The following KIAA1328 variants were observed in gnomAD, a reference collection of about 807,000 sequenced individuals.
The protein encoded by KIAA1328 is KIAA1328.
A neutral mutation model predicts 68.1 loss-of-function variants in KIAA1328; 52 were observed. That is an observed-to-expected ratio of 0.76 (90% confidence interval 0.61 to 0.96). The LOEUF (loss-of-function observed/expected upper bound fraction) is 0.96, where lower values mean the gene tolerates loss of function less well. Ranked by LOEUF, KIAA1328 falls within the 40% of genes least tolerant of loss-of-function variation. The pLI is 0.00. For synonymous variants in KIAA1328, 232 were observed against 239.4 expected (o/e 0.97, Z 0.28); for missense variants, 641 against 677.6 (o/e 0.95, Z 0.60).
At chr18:37,029,472 C>T (rs928990232) in intron 6 of KIAA1328, among the ~76,000 whole-genome samples, 3 of 152,090 alleles carry the variant, frequency 2.0e-5, no homozygotes, top group Non-Finnish European at 2.9e-5. Context: ...CTCCCGGGCT[C>T]GAGTTATCCT....
At chr18:37,007,091 T>C (rs2053811500) in intron 6 of KIAA1328, among the ~76,000 whole-genome samples, 1 of 152,170 alleles carries the variant, frequency 6.6e-6, no homozygotes, top group African/African-American at 2.4e-5. Flanking sequence ...TCCACTAGTC[T>C]CCTTTTTCAA....
intron 9 of KIAA1328, among the ~76,000 whole-genome samples, chr18:37,175,606 A>G (rs1204161306): frequency 3.3e-5 from 5 of 152,164 alleles, no homozygotes; most frequent in Non-Finnish European, 7.3e-5. Flanking sequence ...AAAAAAAAAA[A>G]TCAGAGTACT....
intron 6 of KIAA1328, among the ~76,000 whole-genome samples, chr18:36,964,264 G>A (rs2051821335): frequency 1.3e-5 from 2 of 152,084 alleles, no homozygotes; most frequent in African/African-American, 4.8e-5. Flanking sequence ...AGAGATGGTG[G>A]GCAAGTATTT....
intron 7 of KIAA1328, among the ~76,000 whole-genome samples, chr18:37,157,491 T>G (rs2059176878): frequency 1.3e-5 from 2 of 152,224 alleles, no homozygotes; most frequent in East Asian, 3.9e-4. Flanking sequence ...TAGCATGTCA[T>G]GAAGTTTCTT....
chr18:37,223,792 C>T lies in KIAA1328; in HGVS notation c.*1565C>T, dbSNP rs926579090. The T allele has an allele frequency of 2.6e-5, 26 of 985,220 alleles. No individual in the cohort carries two copies. Among genetic ancestry groups the T allele is most frequent in the South Asian group, 4.7e-5 (1 of 21,282 alleles). The allele number at this position is 985,220 out of a possible 1,614,324, so 61.0% of individuals were successfully genotyped here. A position where few individuals can be genotyped will look rare whatever the true frequency, so the allele number is the denominator to read the frequency against. ...TCATGTCTCTTCAGGCTGAGACTGG[C>T]GCTGTCACCTCCACCCAGCCTTCTT... On this transcript the variant is annotated 3_prime_UTR_variant, in exon 10 of 10. Coordinates refer to ENST00000280020, the MANE Select transcript of KIAA1328 (RefSeq NM_020776.3).
At chr18:37,172,783 C>T (rs565807058) in intron 8 of KIAA1328, among the ~76,000 whole-genome samples, 190 bp from the exon 9 acceptor site, 2 of 152,228 alleles carry the variant, frequency 1.3e-5, no homozygotes, top group South Asian at 2.1e-4. Flanking sequence ...TTTCTTAAAG[C>T]GCATTATAGA....
At chr18:36,835,006 T>A (rs1038840728) in intron 2 of KIAA1328, among the ~76,000 whole-genome samples, 32 of 152,236 alleles carry the variant, frequency 2.1e-4, no homozygotes, top group Non-Finnish European at 3.5e-4. Flanking sequence ...CCTGTCTCTT[T>A]AAAAAAATAA....
chr18:36,875,640 C>T (rs915992525), intron 4 of KIAA1328, among the ~76,000 whole-genome samples: 1 of 152,170 alleles, frequency 6.6e-6, no homozygotes, highest in African/African-American at 2.4e-5. Context: ...TCCTCTTCTT[C>T]TCTTCGAATA....
chr18:37,010,403 ACTGC>A (rs2053934495), intron 6 of KIAA1328, among the ~76,000 whole-genome samples: 2 of 136,198 alleles, frequency 1.5e-5, no homozygotes, highest in Admixed American at 8.6e-5. Flanking sequence ...AGATTGTGAC[ACTGC>A]ACTCCAGCCT....
intron 9 of KIAA1328, 23 bp from the exon 10 acceptor site, chr18:37,221,994 T>A: frequency 6.2e-7 from 1 of 1,607,862 alleles, no homozygotes; most frequent in Non-Finnish European, 8.5e-7. Context: ...GATCCTTTCC[T>A]GTCTGGGTTA....
intron 5 of KIAA1328, among the ~76,000 whole-genome samples, chr18:36,922,514 A>G (rs2049964685): frequency 6.6e-6 from 1 of 152,138 alleles, no homozygotes; most frequent in Admixed American, 6.6e-5. Context: ...TTTCTGGTTC[A>G]GTTATTGAAA....
intron 6 of KIAA1328, among the ~76,000 whole-genome samples, chr18:36,969,433 C>T (rs1046837417): frequency 6.6e-6 from 1 of 152,058 alleles, no homozygotes; most frequent in African/African-American, 2.4e-5. Flanking sequence ...CAAGTAAACA[C>T]AATCAGTAAT....
At chr18:36,896,278 AT>A (rs1397033297) in intron 5 of KIAA1328, among the ~76,000 whole-genome samples, 1 of 152,028 alleles carries the variant, frequency 6.6e-6, no homozygotes, top group Non-Finnish European at 1.5e-5. Flanking sequence ...ATGAGATTTG[AT>A]TTTTGGCAAT....
chr18:37,050,508 T>C (rs1450357329), intron 6 of KIAA1328, among the ~76,000 whole-genome samples: 1 of 152,224 alleles, frequency 6.6e-6, no homozygotes, highest in Non-Finnish European at 1.5e-5. Flanking sequence ...TAGAAAACCA[T>C]GTATAAGACT....
chr18:37,121,075 C>T (rs2058255920), intron 7 of KIAA1328, among the ~76,000 whole-genome samples: 1 of 151,932 alleles, frequency 6.6e-6, no homozygotes, highest in Non-Finnish European at 1.5e-5. Flanking sequence ...AGAATAAAAA[C>T]CAAAACCATG....
chr18:37,019,026 C>G (rs1443445232), intron 6 of KIAA1328, among the ~76,000 whole-genome samples: 3 of 152,190 alleles, frequency 2.0e-5, no homozygotes, highest in African/African-American at 7.2e-5. Context: ...AATTCATGCT[C>G]TGATTCCTTC....
intron 6 of KIAA1328, among the ~76,000 whole-genome samples, chr18:36,982,161 TA>T (rs2052721623): frequency 6.9e-6 from 1 of 144,468 alleles, no homozygotes; most frequent in Non-Finnish European, 1.5e-5. Flanking sequence ...ATATAATATA[TA>T]TATATAATAT....
At chr18:37,007,113 A>G (rs2053812168) in intron 6 of KIAA1328, among the ~76,000 whole-genome samples, 1 of 152,154 alleles carries the variant, frequency 6.6e-6, no homozygotes, top group African/African-American at 2.4e-5. Context: ...TCTAAATATT[A>G]CCTTCCATCT....
At chr18:36,990,902 T>C (rs1018037615) in intron 6 of KIAA1328, among the ~76,000 whole-genome samples, 1 of 152,122 alleles carries the variant, frequency 6.6e-6, no homozygotes, top group African/African-American at 2.4e-5. Flanking sequence ...TTATAACATA[T>C]TAGTAATGAG....
Sources: gnomAD v4.1 joint callset for allele counts (sites outside exome capture counted in the v4.1 genomes callset) on GRCh38, gnomAD v4.1.1 for gene constraint, MANE v1.5 for transcripts, NCBI Gene and HGNC (gene_info 2026-07-23, HGNC 2026-07-21) for gene names.